PCNX2: variants seen among roughly 807,000 people sequenced by gnomAD.
The protein encoded by PCNX2 is pecanex-like protein 2.
A neutral mutation model predicts 223.8 loss-of-function variants in PCNX2; 168 were observed. The ratio of observed to expected loss-of-function variants is 0.75; its 90% CI spans 0.66 to 0.85. PCNX2 has a LOEUF of 0.85. Ranked by LOEUF, PCNX2 falls within the 40% of genes least tolerant of loss-of-function variation. The pLI is 0.00. For missense variants in PCNX2, 2,507 were observed against 2,675.5 expected (o/e 0.94, Z 1.39); for synonymous variants, 1,006 against 1,052.6 (o/e 0.96, Z 0.86).
chr1:233,235,802 A>AT (rs1658352212), intron 9 of PCNX2, among the ~76,000 whole-genome samples: 1 of 151,650 alleles, frequency 6.6e-6, no homozygotes, highest in African/African-American at 2.4e-5. Context: ...GGGTCTTGCC[A>AT]TGTTGTCCAG....
At chr1:233,236,391 C>G (rs1450602626) in intron 9 of PCNX2, among the ~76,000 whole-genome samples, 2 of 151,940 alleles carry the variant, frequency 1.3e-5, no homozygotes, top group African/African-American at 4.8e-5. Context: ...TTTTAGACCT[C>G]TTGATGATAA....
rs568081256 is a variant in PCNX2 at position 233,209,454 on chromosome 1, A to G, written c.2692-765T>C. ...CATCTCATAAATCAATGCACAATTTATAAGATTCAGGGGGAAAAAAACAAT... is the reference window on the plus strand; with the variant it reads ...CATCTCATAAATCAATGCACAATTTGTAAGATTCAGGGGGAAAAAAACAAT... On this transcript the variant is annotated intron_variant, in intron 12 of 33. Transcript: ENST00000258229. 5.9e-5 allele frequency among the ~76,000 whole-genome samples: 9 copies of G among 152,348 alleles called. 1 individual carries two copies. In the South Asian group the frequency reaches 1.7e-3, roughly 28 times the overall value.
chr1:233,318,854 GCCACTGCGCCCAGCC>G, the PCNX2 span, among the ~76,000 whole-genome samples: 1 of 152,082 alleles, frequency 6.6e-6, no homozygotes, highest in African/African-American at 2.4e-5. Flanking sequence ...ACAAGCGTGA[GCCACTGCGCCCAGCC>G]ATTCCCATCC....
intron 13 of PCNX2, among the ~76,000 whole-genome samples, chr1:233,203,610 C>T (rs1572070068): frequency 1.3e-5 from 2 of 152,308 alleles, no homozygotes; most frequent in South Asian, 4.1e-4. Context: ...AGATGTTTCT[C>T]TCCTTGCATT....
At chr1:233,007,105 C>T (rs1670312169) in intron 28 of PCNX2, among the ~76,000 whole-genome samples, 1 of 151,850 alleles carries the variant, frequency 6.6e-6, no homozygotes. Context: ...TCGCACATGC[C>T]TGTAGTCTCA....
At chr1:233,245,091 G>A (rs971866931) in intron 8 of PCNX2, among the ~76,000 whole-genome samples, 4 of 152,232 alleles carry the variant, frequency 2.6e-5, no homozygotes, top group Non-Finnish European at 5.9e-5. Flanking sequence ...CACCCCTCCT[G>A]TTTAGCTTCT....
rs113572853 is a variant in PCNX2 at position 233,008,733 on chromosome 1, C to T, written c.4952+5932G>A. On this transcript the variant is annotated intron_variant, in intron 28 of 33. Transcript: ENST00000258229. ...GGTGCACAGTGGCAGCAACTCCTATCGGAAAAGCACTGGGCTGGCAGGAAA... is the reference window on the plus strand; with the variant it reads ...GGTGCACAGTGGCAGCAACTCCTATTGGAAAAGCACTGGGCTGGCAGGAAA... Among the ~76,000 whole-genome samples the T allele has an allele frequency of 1.9e-3, 291 of 152,284 alleles. 1 individual carries two copies. The highest frequency in any genetic ancestry group is 6.9e-3 in the African/African-American group (285 of 41,562).
chr1:233,309,427 G>C, the PCNX2 span, among the ~76,000 whole-genome samples: 1 of 151,636 alleles, frequency 6.6e-6, no homozygotes, highest in Non-Finnish European at 1.5e-5. Flanking sequence ...TGTAATCTCA[G>C]CTACTCTGGA....
Position 233,232,813 on chromosome 1 carries a change from C to A in PCNX2, c.2358+4032G>T, listed in dbSNP as rs1426374340. 7 of 985,196 alleles carry A rather than the reference C, an allele frequency of 7.1e-6. No homozygotes were observed. The African/African-American group carries it at 1.2e-4, about 17-fold the overall frequency. 61.0% of individuals were successfully genotyped at this position (985,196 alleles called of 1,614,324 possible). A position where few individuals can be genotyped will look rare whatever the true frequency, so the allele number is the denominator to read the frequency against. ...ACTGTGCTTATCTTTGCAATTCTCA[C>A]CAATTCTCATCAGTTTAGGACCAAT... On this transcript the variant is annotated intron_variant, in intron 9 of 33. Transcript: ENST00000258229.
At chr1:232,985,800 G>A in intron 33 of PCNX2, 1 of 597,794 alleles carries the variant, frequency 1.7e-6, no homozygotes, top group Non-Finnish European at 3.0e-6. Flanking sequence ...TCATGCCCCG[G>A]TGTAGGGCAG....
intron 4 of PCNX2, 142 bp from the exon 5 acceptor site, chr1:233,259,486 T>A (rs1224307995): frequency 8.0e-7 from 1 of 1,245,228 alleles, no homozygotes; most frequent in Non-Finnish European, 1.1e-6. Context: ...CTTTAAGTTC[T>A]GGGTTACATG....
chr1:233,235,985 T>TATATATATATATATATATATATAA (rs1265599637), intron 9 of PCNX2, among the ~76,000 whole-genome samples: 1 of 143,632 alleles, frequency 7.0e-6, no homozygotes. Context: ...TATATATATA[T>TATATATATATATATATATATATAA]AATTATATTA....
At chr1:233,023,561 C>T (rs1245185161) in intron 26 of PCNX2, among the ~76,000 whole-genome samples, 2 of 152,220 alleles carry the variant, frequency 1.3e-5, no homozygotes, top group East Asian at 1.9e-4. Flanking sequence ...AAGCTTCTAA[C>T]ATGCATGCCA....
At chr1:233,324,239 G>A in the PCNX2 span, among the ~76,000 whole-genome samples, 1 of 152,224 alleles carries the variant, frequency 6.6e-6, no homozygotes, top group African/African-American at 2.4e-5. Context: ...CGGTGAAGCA[G>A]CAAGTGCTAA....
At chr1:233,288,355 T>C (rs1341133695) in intron 1 of PCNX2, among the ~76,000 whole-genome samples, 1 of 152,016 alleles carries the variant, frequency 6.6e-6, no homozygotes, top group Non-Finnish European at 1.5e-5. Flanking sequence ...CAATCACTAA[T>C]GGGGGGAAAT....
intron 16 of PCNX2, among the ~76,000 whole-genome samples, chr1:233,178,601 GAAC>G (rs1297731677): frequency 2.0e-5 from 3 of 152,128 alleles, no homozygotes; most frequent in Admixed American, 6.6e-5. Context: ...GCCAGATTGG[GAAC>G]AACAACAACA....
At chr1:233,197,316 A>T (rs1350285740) in intron 15 of PCNX2, among the ~76,000 whole-genome samples, 2 of 152,200 alleles carry the variant, frequency 1.3e-5, no homozygotes, top group African/African-American at 4.8e-5. Flanking sequence ...CAATATACTA[A>T]GGTGCCTGCA....
intron 21 of PCNX2, among the ~76,000 whole-genome samples, chr1:233,133,955 G>A (rs1383587850): frequency 3.3e-5 from 5 of 152,108 alleles, no homozygotes; most frequent in Non-Finnish European, 7.4e-5. Context: ...TACGATACAA[G>A]AGTTTTTTAT....
At position 233,017,207 on chromosome 1, in the gene PCNX2, A is replaced by G. The variant is rs560635955; in HGVS notation, c.4606-53T>C. Reference sequence around the variant, plus strand: ...ATTTATTAATTTAATCTTAGAAAGTAAATCAACCTCAGGAAAGTAAGAGGC... The same window carrying G: ...ATTTATTAATTTAATCTTAGAAAGTGAATCAACCTCAGGAAAGTAAGAGGC... On this transcript the variant is annotated intron_variant, in intron 26 of 33. Coordinates refer to ENST00000258229, the MANE Select transcript of PCNX2 (RefSeq NM_014801.4). The G allele has an allele frequency of 2.1e-6, 3 of 1,412,158 alleles. No homozygotes were observed. In the East Asian group the frequency reaches 7.4e-5, roughly 35 times the overall value. The allele number at this position is 1,412,158 out of a possible 1,614,324, so 87.5% of individuals were successfully genotyped here.
Sources: allele counts gnomAD v4.1 joint callset (sites outside exome capture counted in the v4.1 genomes callset), GRCh38; gene constraint gnomAD v4.1.1; transcripts MANE v1.5; gene names NCBI Gene and HGNC (gene_info 2026-07-23, HGNC 2026-07-21).